ELMO2: variants seen among roughly 807,000 people sequenced by gnomAD.
The protein encoded by ELMO2 is engulfment and cell motility 2.
A neutral mutation model predicts 96.2 loss-of-function variants in ELMO2; 37 were observed. That is an observed-to-expected ratio of 0.38 (90% CI 0.30 to 0.51). The LOEUF (loss-of-function observed/expected upper bound fraction) is 0.51, where lower values mean the gene tolerates loss of function less well. ELMO2 is among the 20% of genes least tolerant of loss of function. The pLI, the probability that ELMO2 is intolerant of heterozygous loss-of-function variation, is 0.88. For synonymous variants in ELMO2, 315 were observed against 329.4 expected (o/e 0.96, Z 0.47); for missense variants, 561 against 912.6 (o/e 0.61, Z 4.96).
At chr20:46,379,275 T>G (rs2059914971) in intron 11 of ELMO2, among the ~76,000 whole-genome samples, 1 of 152,136 alleles carries the variant, frequency 6.6e-6, no homozygotes, top group Admixed American at 6.5e-5. Context: ...ATTACAGGTG[T>G]GAGCCACCAC....
chr20:46,373,846 T>C (rs2059787572), intron 15 of ELMO2, among the ~76,000 whole-genome samples: 1 of 151,480 alleles, frequency 6.6e-6, no homozygotes, highest in African/African-American at 2.4e-5. Context: ...AAGGATAAGA[T>C]GGAATTATCA....
intron 19 of ELMO2, 27 bp from the exon 20 acceptor site, chr20:46,370,552 G>C: frequency 3.7e-6 from 6 of 1,607,250 alleles, no homozygotes; most frequent in Non-Finnish European, 5.1e-6. Flanking sequence ...ATTAGTCTCT[G>C]GAAGTTCATG....
At chr20:46,385,659 C>A (rs1415465401) in intron 9 of ELMO2, among the ~76,000 whole-genome samples, 3 of 152,182 alleles carry the variant, frequency 2.0e-5, no homozygotes, top group African/African-American at 7.2e-5. Flanking sequence ...ATCGTCGGTT[C>A]AGTGAGCATT....
At chr20:46,372,441 G>A (rs2059740482) in intron 16 of ELMO2, among the ~76,000 whole-genome samples, 1 of 152,132 alleles carries the variant, frequency 6.6e-6, no homozygotes, top group African/African-American at 2.4e-5. Context: ...GACCAGCCTG[G>A]CCAACATGGT....
chr20:46,377,571 TC>T (rs1465314422), intron 11 of ELMO2, among the ~76,000 whole-genome samples: 1 of 152,132 alleles, frequency 6.6e-6, no homozygotes, highest in African/African-American at 2.4e-5. Context: ...ACAAATTAGG[TC>T]CTCAGCCACA....
intron 1 of ELMO2, among the ~76,000 whole-genome samples, chr20:46,400,046 G>T (rs1424657070): frequency 6.6e-6 from 1 of 152,196 alleles, no homozygotes; most frequent in Admixed American, 6.5e-5. Context: ...GCTGAGGCAG[G>T]AGAGTTGCTT....
At position 46,375,386 on chromosome 20, in the gene ELMO2, G is replaced by C; in HGVS notation, c.931-16C>G. 6.2e-7 allele frequency: 1 copy of C among 1,613,010 alleles called. No individual in the cohort carries two copies. Among genetic ancestry groups the C allele is most frequent in the African/African-American group, 1.3e-5 (1 of 75,048 alleles). On this transcript the variant is annotated splice_polypyrimidine_tract_variant and intron_variant, in intron 12 of 21. Coordinates refer to ENST00000290246, the MANE Select transcript of ELMO2 (RefSeq NM_133171.5). This position sits in a 1 kb window ranked among gnomAD's most constrained non-coding sequence, Gnocchi z 4.6. The stretch of plus-strand genomic sequence containing the variant: ...CCCTTTGAGCCTGCGAGGTGAAACA[G>C]ACAGTCAGCAGGTGAATCGGCTAAC...
intron 1 of ELMO2, among the ~76,000 whole-genome samples, chr20:46,402,094 G>A (rs538247339): frequency 1.3e-5 from 2 of 152,168 alleles, no homozygotes; most frequent in Non-Finnish European, 2.9e-5. Context: ...GATAAGGTCC[G>A]AGAAACAGTG....
At chr20:46,399,802 G>A (rs1456643555) in intron 1 of ELMO2, among the ~76,000 whole-genome samples, 2 of 152,180 alleles carry the variant, frequency 1.3e-5, no homozygotes, top group Non-Finnish European at 2.9e-5. Flanking sequence ...GGCATGAACT[G>A]TGCAGGCTGT....
In ELMO2 at chr20:46,375,873, G is replaced by A; in HGVS notation, c.808-83C>T. 3.2e-6 allele frequency: 5 copies of A among 1,566,434 alleles called. No individual in the cohort carries two copies. Among genetic ancestry groups the A allele is most frequent in the Non-Finnish European group, 4.4e-6 (5 of 1,147,904 alleles). On this transcript the variant is annotated intron_variant, in intron 11 of 21. Coordinates refer to ENST00000290246, the MANE Select transcript of ELMO2 (RefSeq NM_133171.5). The surrounding 1 kb of genome is among the most constrained non-coding windows in gnomAD (Gnocchi z 4.6). ...CACATCCATGCTAAGGAAAAGGAAT[G>A]TATGTTGGGAAGGGAACAGAGCTTT...
intron 6 of ELMO2, 63 bp from the exon 7 acceptor site, chr20:46,389,283 T>C: frequency 6.6e-7 from 1 of 1,521,548 alleles, no homozygotes; most frequent in Non-Finnish European, 8.9e-7. Flanking sequence ...ACTCTGTGGA[T>C]AGCTCACAGA....
intron 11 of ELMO2, among the ~76,000 whole-genome samples, chr20:46,377,545 A>G (rs924006993): frequency 6.6e-6 from 1 of 152,256 alleles, no homozygotes; most frequent in African/African-American, 2.4e-5. Context: ...TTTAAATTTA[A>G]AATGAAATTA....
chr20:46,371,276 A>G lies in ELMO2; in HGVS notation c.1801+76T>C, dbSNP rs1472091761. ...CAGGTACAAGCCCAGATGATCAGCT[A>G]CAAACAGCTGGACTAGAACTCCTGT... On this transcript the variant is annotated intron_variant, in intron 19 of 21. Coordinates refer to ENST00000290246, the MANE Select transcript of ELMO2 (RefSeq NM_133171.5). This position sits in a 1 kb window ranked among gnomAD's most constrained non-coding sequence, Gnocchi z 5.9. 18 of 1,434,558 alleles carry G rather than the reference A, an allele frequency of 1.3e-5. No homozygotes were observed. The Admixed American group carries it at 2.6e-4, about 21-fold the overall frequency. The allele number at this position is 1,434,558 out of a possible 1,614,324, so 88.9% of individuals were successfully genotyped here.
chr20:46,369,184 ATGT>A (rs1377527579), intron 20 of ELMO2: 9 of 495,040 alleles, frequency 1.8e-5, no homozygotes, highest in African/African-American at 7.7e-5. Context: ...CACATCAAAG[ATGT>A]TGTGATATTT....
chr20:46,375,325 C>T lies in ELMO2; in HGVS notation c.976G>A (p.Ala326Thr), dbSNP rs756447733. ...GGGGCATTGCTAGGATCAGACTCTG[C>T]GTCAAATGCAATCCTCCTCAGTTCA... Reference protein sequence around the residue: ...IFELRRIAFDAESDPSNAPGS... With the variant: ...IFELRRIAFDTESDPSNAPGS... Residue 326 changes from alanine (A) to threonine (T), a missense_variant, in exon 13 of 22, where the codon GCA (alanine) becomes ACA (threonine). Physicochemically the swap from Ala to Thr is moderately conservative, Grantham distance 58. Coordinates refer to ENST00000290246, the MANE Select transcript of ELMO2 (RefSeq NM_133171.5). The surrounding 1 kb of genome is among the most constrained non-coding windows in gnomAD (Gnocchi z 4.6). 20 of 1,614,070 alleles carry T rather than the reference C, an allele frequency of 1.2e-5. No homozygotes were observed. Among genetic ancestry groups the T allele is most frequent in the Admixed American group, 6.7e-5 (4 of 60,004 alleles).
intron 6 of ELMO2, among the ~76,000 whole-genome samples, chr20:46,390,204 AAG>A (rs1193575989): frequency 6.6e-6 from 1 of 152,184 alleles, no homozygotes; most frequent in Non-Finnish European, 1.5e-5. Context: ...TAGACAGCAG[AAG>A]AGGTTTCTCT....
chr20:46,375,526 T>C lies in ELMO2; in HGVS notation c.930+142A>G. 6.7e-7 allele frequency: 1 copy of C among 1,489,786 alleles called. No individual in the cohort carries two copies. The allele number at this position is 1,489,786 out of a possible 1,614,324, so 92.3% of individuals were successfully genotyped here. A position where few individuals can be genotyped will look rare whatever the true frequency, so the allele number is the denominator to read the frequency against. ...ACAGCAGGACAGAAATGGGCTTGGC[T>C]CATGGTGCAGATCATGCTAGATTTT... On this transcript the variant is annotated intron_variant, in intron 12 of 21. Transcript: ENST00000290246. This position sits in a 1 kb window ranked among gnomAD's most constrained non-coding sequence, Gnocchi z 4.6.
intron 11 of ELMO2, among the ~76,000 whole-genome samples, chr20:46,377,619 C>T (rs2059886089): frequency 6.6e-6 from 1 of 152,210 alleles, no homozygotes; most frequent in Admixed American, 6.5e-5. Flanking sequence ...GACTGGTGGC[C>T]ACCATTGTGG....
At chr20:46,370,029 T>G (rs913661279) in intron 20 of ELMO2, 1 of 355,462 alleles carries the variant, frequency 2.8e-6, no homozygotes, top group Non-Finnish European at 5.4e-6. Flanking sequence ...TTTATATATC[T>G]GTAGAGAAAT....
Sources: allele counts gnomAD v4.1 joint callset (sites outside exome capture counted in the v4.1 genomes callset), GRCh38; gene constraint gnomAD v4.1.1; non-coding constraint Gnocchi (gnomAD v3.1); transcripts MANE v1.5; gene names NCBI Gene and HGNC (gene_info 2026-07-23, HGNC 2026-07-21).